The following CCDC187 variants were observed in gnomAD, a reference collection of about 807,000 sequenced individuals.
CCDC187 encodes coiled-coil domain containing 187.
A neutral mutation model predicts 38.0 loss-of-function variants in CCDC187; 32 were observed. That is an observed-to-expected ratio of 0.84 (90% CI 0.64 to 1.13). The LOEUF is 1.13. Among genes scored for constraint, CCDC187 ranks in the 50% most tolerant of loss-of-function variants. The pLI is 0.00. For synonymous variants in CCDC187, 333 were observed against 347.9 expected, an observed-to-expected ratio of 0.96 and a Z score of 0.48; for missense variants, 707 against 786.8, an observed-to-expected ratio of 0.90 and a Z score of 1.21.
chr9:136,262,327 T>C lies in CCDC187; in HGVS notation c.4048A>G (p.Ser1350Gly), dbSNP rs1289744855. 1.1e-5 allele frequency: 11 copies of C among 986,612 alleles called. No individual in the cohort carries two copies. The highest frequency in any genetic ancestry group is 1.3e-5 in the Non-Finnish European group (11 of 830,978). 61.1% of individuals were successfully genotyped at this position (986,612 alleles called of 1,614,324 possible). The change falls in exon 19 of 26, where the codon AGC (serine) becomes GGC (glycine). Residue 1350 changes from serine to glycine, a missense_variant. Ser to Gly is a moderately conservative substitution (Grantham distance 56). Coordinates refer to ENST00000638797, the MANE Select transcript of CCDC187 (RefSeq NM_001378188.1). ...CCAACTCACCGCGTGGCCTTTGAGC[T>C]TGCGGGGCTGCTCTGGGGGCGATGG... ...TSHRPQSSPA[S>G]SKATRPPTEQ... is the part of the protein sequence containing the mutation.
At chr9:136,265,738 C>T (rs180735652) in intron 17 of CCDC187, 2,260 of 156,402 alleles carry the variant, frequency 0.014, 68 homozygotes, top group African/African-American at 0.052. Flanking sequence ...GCAGACACTC[C>T]TTGTGTACAG....
Position 136,258,052 on chromosome 9 carries a change from A to G in CCDC187, c.4366+880T>C, listed in dbSNP as rs1413315405. On this transcript the variant is annotated intron_variant, in intron 22 of 25. Transcript: ENST00000638797. This position sits in a 1 kb window ranked among gnomAD's most constrained non-coding sequence, Gnocchi z 4.3. ...ACGGTGACAGCTGGTACACGTGGCC[A>G]TGCGGCGAGGGAGGCTTCAGGCTGA... 2.0e-5 allele frequency among the ~76,000 whole-genome samples: 3 copies of G among 152,158 alleles called. No individual in the cohort carries two copies. Among genetic ancestry groups the G allele is most frequent in the Non-Finnish European group, 2.9e-5 (2 of 68,026 alleles).
At chr9:136,302,788 C>T in intron 2 of CCDC187, 24 bp downstream of exon 2, 1 of 399,186 alleles carries the variant, frequency 2.5e-6, no homozygotes, top group East Asian at 3.6e-5. Flanking sequence ...CCTCCTGCCC[C>T]TCTCTGGCAA....
chr9:136,291,921 C>T (rs920755316), intron 5 of CCDC187, among the ~76,000 whole-genome samples: 19 of 152,338 alleles, frequency 1.2e-4, no homozygotes, highest in Non-Finnish European at 2.5e-4. Context: ...ATGCCTGCCC[C>T]GGGAACTGGC....
chr9:136,250,328 G>A lies in CCDC187; in HGVS notation c.*3266C>T, dbSNP rs1489154910. ...ACGCGAGGCACCTGCTGGGCTCCCA[G>A]GGAAAGTCACGCTGGTTCCAGCTGT... On this transcript the variant is annotated 3_prime_UTR_variant, in exon 26 of 26. Coordinates refer to ENST00000638797, the MANE Select transcript of CCDC187 (RefSeq NM_001378188.1). The A allele has an allele frequency of 5.6e-6, 1 of 178,660 alleles. No homozygotes were observed. The highest frequency in any genetic ancestry group is 1.6e-4 in the East Asian group (1 of 6,266). 11.1% of individuals were successfully genotyped at this position (178,660 alleles called of 1,614,324 possible).
Position 136,254,960 on chromosome 9 carries a change from C to T in CCDC187, c.4868G>A (p.Ser1623Asn). 1 of 985,524 alleles carries T rather than the reference C, an allele frequency of 1.0e-6. No homozygotes were observed. The allele number at this position is 985,524 out of a possible 1,614,324, so 61.0% of individuals were successfully genotyped here. Residue 1623 changes from serine (S) to asparagine (N), a missense_variant, in exon 26 of 26, where the codon AGC becomes AAC. By Grantham distance (46) the Ser-to-Asn change is conservative. Transcript: ENST00000638797. Reference protein sequence around the residue: ...SHTSPAGSVSSLSCPSLWEFQ... With the variant: ...SHTSPAGSVSNLSCPSLWEFQ... The stretch of plus-strand genomic sequence containing the variant: ...CTCCCAGAGAGAGGGACAGGACAGG[C>T]TGCTCACAGAGCCTGCTGGGGAGGT...
At chr9:136,263,204 A>C (rs1468301250) in intron 18 of CCDC187, among the ~76,000 whole-genome samples, 4,987 of 26,066 alleles carry the variant, frequency 0.19, no homozygotes, top group Admixed American at 0.24. Context: ...GCCCCACCCC[A>C]CCCCCCAGCA....
rs1354021896 is a variant in CCDC187, at chr9:136,302,942, C to T, written c.495G>A (p.Gln165=). Residue 165 remains glutamine (Q), a synonymous_variant, in exon 2 of 26, where the codon CAG becomes CAA. Transcript: ENST00000638797. ...TGCCCAGGGACGCACAGCTCCCCTGCTGCCACGCCTGGGCCCGGATCTTGT... is the reference window on the plus strand; with the variant it reads ...TGCCCAGGGACGCACAGCTCCCCTGTTGCCACGCCTGGGCCCGGATCTTGT... The part of the protein sequence containing the change: ...LRDKIRAQAW[Q]QGSCASLGTS... 1.0e-5 allele frequency: 4 copies of T among 398,610 alleles called. No individual in the cohort carries two copies. The highest frequency in any genetic ancestry group is 6.2e-5 in the African/African-American group (3 of 48,640). The allele number at this position is 398,610 out of a possible 1,614,324, so 24.7% of individuals were successfully genotyped here. A position where few individuals can be genotyped will look rare whatever the true frequency, so the allele number is the denominator to read the frequency against.
chr9:136,267,298 G>T, intron 16 of CCDC187, 86 bp downstream of exon 16: 1 of 923,958 alleles, frequency 1.1e-6, no homozygotes, highest in Non-Finnish European at 1.3e-6. Context: ...GGACGGGGCA[G>T]GGAGGGGGCG....
Position 136,264,015 on chromosome 9 carries a change from G to A in CCDC187, c.3736-217C>T, listed in dbSNP as rs972997273. The A allele has an allele frequency of 2.4e-5, 4 of 165,166 alleles. No individual in the cohort carries two copies. The highest frequency in any genetic ancestry group is 3.1e-3 in the Middle Eastern group (1 of 324). The allele number at this position is 165,166 out of a possible 1,614,324, so 10.2% of individuals were successfully genotyped here. ...CTTGGTGGAGGAGGCAGCTGCGGGC[G>A]GCAGGAGGGAGGCAGGTACTCTTTC... On this transcript the variant is annotated intron_variant, in intron 17 of 25. Transcript: ENST00000638797. This position sits in a 1 kb window ranked among gnomAD's most constrained non-coding sequence, Gnocchi z 4.3.
chr9:136,278,058 C>T (rs962313050), intron 10 of CCDC187, among the ~76,000 whole-genome samples: 6 of 152,200 alleles, frequency 3.9e-5, no homozygotes, highest in South Asian at 2.1e-4. Context: ...GGGTCACCCC[C>T]GTGGCCCCCA....
At chr9:136,301,791 T>C (rs1437181384) in intron 2 of CCDC187, among the ~76,000 whole-genome samples, 1 of 151,934 alleles carries the variant, frequency 6.6e-6, no homozygotes, top group East Asian at 2.0e-4. Context: ...GGTTTTACCA[T>C]GTTAGCCAGG....
intron 17 of CCDC187, 82 bp from the exon 18 acceptor site, chr9:136,263,880 G>T (rs1320907241): frequency 1.8e-5 from 17 of 932,560 alleles, no homozygotes; most frequent in Non-Finnish European, 2.2e-5. Flanking sequence ...GGGGTGTCTG[G>T]GGGGATGCCC....
chr9:136,257,557 C>T lies in CCDC187; in HGVS notation c.4367-716G>A, dbSNP rs1254587103. On this transcript the variant is annotated intron_variant, in intron 22 of 25. Coordinates refer to ENST00000638797, the MANE Select transcript of CCDC187 (RefSeq NM_001378188.1). This position sits in a 1 kb window ranked among gnomAD's most constrained non-coding sequence, Gnocchi z 4.5. ...CTCGGACACAGCAAGGCCACCAGTG[C>T]ACCGCCGGGGATCACAAAGGGGGAC... is the stretch of plus-strand genomic sequence containing the variant. 1.3e-5 allele frequency among the ~76,000 whole-genome samples: 2 copies of T among 152,146 alleles called. No homozygotes were observed. Among genetic ancestry groups the T allele is most frequent in the African/African-American group, 4.8e-5 (2 of 41,416 alleles).
intron 4 of CCDC187, among the ~76,000 whole-genome samples, chr9:136,293,787 C>G (rs1831447029): frequency 6.6e-6 from 1 of 152,128 alleles, no homozygotes. Flanking sequence ...CGGTCTCATC[C>G]TCACACACTT....
Position 136,260,280 on chromosome 9 carries a change from G to A in CCDC187, c.4065-16C>T, listed in dbSNP as rs1237729866. ...AGTGGGAGGGCTGCACGGCCATGCA[G>A]AGTGGAGGTGACCGCCCGCCCGGCT... On this transcript the variant is annotated splice_polypyrimidine_tract_variant and intron_variant, in intron 19 of 25. Coordinates refer to ENST00000638797, the MANE Select transcript of CCDC187 (RefSeq NM_001378188.1). 2 of 984,876 alleles carry A rather than the reference G, an allele frequency of 2.0e-6. No individual in the cohort carries two copies. Among genetic ancestry groups the A allele is most frequent in the African/African-American group, 3.5e-5 (2 of 57,016 alleles). 61.0% of individuals were successfully genotyped at this position (984,876 alleles called of 1,614,324 possible).
At chr9:136,266,573 A>G (rs1433939571) in intron 16 of CCDC187, 2 of 152,264 alleles carry the variant, frequency 1.3e-5, no homozygotes, top group East Asian at 3.8e-4. Context: ...CTTCATTAAT[A>G]ATGGCAAAAC....
chr9:136,303,372 C>T (rs1171997350), intron 1 of CCDC187, 79 bp from the exon 2 acceptor site: 29 of 390,580 alleles, frequency 7.4e-5, no homozygotes, highest in African/African-American at 4.9e-4. Context: ...CTGGCCCCAC[C>T]TCCCCGGGCA....
rs1409331288 is a variant in CCDC187 at position 136,284,552 on chromosome 9, G to A, written c.2927+961C>T. ...CGTCAAGGACAGAGGGGTGAGAGTGGCCGGGAGTGGCCCAAGAACGCCTGG... is the reference window on the plus strand; with the variant it reads ...CGTCAAGGACAGAGGGGTGAGAGTGACCGGGAGTGGCCCAAGAACGCCTGG... On this transcript the variant is annotated intron_variant, in intron 9 of 25. Coordinates refer to ENST00000638797, the MANE Select transcript of CCDC187 (RefSeq NM_001378188.1). Among the ~76,000 whole-genome samples, 10 of 152,156 alleles carry A rather than the reference G, an allele frequency of 6.6e-5. No homozygotes were observed. In the East Asian group the frequency reaches 1.9e-3, roughly 29 times the overall value.
Sources: allele counts gnomAD v4.1 joint callset (sites outside exome capture counted in the v4.1 genomes callset), GRCh38; gene constraint gnomAD v4.1.1; non-coding constraint Gnocchi (gnomAD v3.1); transcripts MANE v1.5; gene names NCBI Gene and HGNC (gene_info 2026-07-23, HGNC 2026-07-21).